Variants in DDX46 observed in about 807,000 individuals in gnomAD.
DDX46 encodes the protein DEAD-box helicase 46.
A neutral mutation model predicts 134.9 loss-of-function variants in DDX46; 30 were observed. That is an observed-to-expected ratio of 0.22 (90% confidence interval 0.17 to 0.30). The LOEUF (loss-of-function observed/expected upper bound fraction) is 0.30. Ranked by LOEUF, DDX46 falls within the 10% of genes least tolerant of loss-of-function variation. The probability of loss-of-function intolerance (pLI) is 1.00; values close to 1 mark genes in which losing one functional copy is unlikely to be tolerated. For synonymous variants in DDX46, 415 were observed against 404.1 expected (o/e 1.03, Z -0.32); for missense variants, 622 against 1,248.7 (o/e 0.50, Z 7.56).
At chr5:134,812,344 C>A (rs772977451) in intron 18 of DDX46, among the ~76,000 whole-genome samples, 2 of 151,956 alleles carry the variant, frequency 1.3e-5, no homozygotes, top group Non-Finnish European at 2.9e-5. Context: ...GGATTACAGG[C>A]GTGAGCCACC....
chr5:134,774,591 T>C (rs959376451), intron 5 of DDX46, among the ~76,000 whole-genome samples: 3 of 152,246 alleles, frequency 2.0e-5, no homozygotes, highest in East Asian at 3.8e-4. Flanking sequence ...TTGAGTGTTA[T>C]TGGGCATAGC....
intron 21 of DDX46, among the ~76,000 whole-genome samples, chr5:134,823,107 T>C: frequency 6.6e-6 from 1 of 151,880 alleles, no homozygotes; most frequent in East Asian, 1.9e-4. Flanking sequence ...AGGGCAGGTA[T>C]ACTAGCAACT....
chr5:134,795,277 G>A (rs1000887883), intron 14 of DDX46, among the ~76,000 whole-genome samples: 2 of 145,134 alleles, frequency 1.4e-5, no homozygotes, highest in African/African-American at 2.6e-5. Context: ...TGCAGTCCCC[G>A]GAGTTCTGGG....
In DDX46 at chr5:134,782,087, G is replaced by A. The variant is rs1754172233; in HGVS notation, c.1045+1G>A. On this transcript the variant is annotated splice_donor_variant, in intron 8 of 22. Coordinates refer to ENST00000452510, the MANE Select transcript of DDX46 (RefSeq NM_001300860.2). LOFTEE classifies it high-confidence loss of function. ...GAACTAGCAAAAATGTCTCAAGAAG[G>A]TAAAATTCCATTTTTTCATTTACTG... 1 of 1,580,814 alleles carries A rather than the reference G, an allele frequency of 6.3e-7. No individual in the cohort carries two copies. The highest frequency in any genetic ancestry group is 8.5e-7 in the Non-Finnish European group (1 of 1,171,208).
At chr5:134,762,778 C>T (rs1433105931) in intron 1 of DDX46, among the ~76,000 whole-genome samples, 3 of 150,204 alleles carry the variant, frequency 2.0e-5, no homozygotes, top group Admixed American at 1.3e-4. Flanking sequence ...GCTGAGTGGC[C>T]GGGCGCAGTG....
At chr5:134,806,755 G>A (rs183707741) in intron 15 of DDX46, among the ~76,000 whole-genome samples, 10 of 152,266 alleles carry the variant, frequency 6.6e-5, no homozygotes, top group Admixed American at 1.3e-4. Flanking sequence ...TTGAAAGCAT[G>A]AGTTTTAAGT....
At chr5:134,809,637 A>G (rs1334271125) in intron 16 of DDX46, among the ~76,000 whole-genome samples, 2 of 151,938 alleles carry the variant, frequency 1.3e-5, no homozygotes, top group Non-Finnish European at 2.9e-5. Flanking sequence ...GGCCTCTCAA[A>G]ATACTGGGAT....
At chr5:134,771,105 TTTCTGTCTG>T in intron 4 of DDX46, 106 bp downstream of exon 4, 1 of 583,736 alleles carries the variant, frequency 1.7e-6, no homozygotes, top group South Asian at 2.2e-5. Context: ...CTTTCTTTCT[TTTCTGTCTG>T]TCTTTCTTTC....
At chr5:134,807,267 G>T (rs551633612) in intron 15 of DDX46, among the ~76,000 whole-genome samples, 2 of 148,150 alleles carry the variant, frequency 1.3e-5, no homozygotes, top group Non-Finnish European at 3.0e-5. Context: ...TGATCTGCCC[G>T]CCTCGGCCTC....
At position 134,792,253 on chromosome 5, in the gene DDX46, C is replaced by T. The variant is rs1351605271; in HGVS notation, c.1626+1701C>T. On this transcript the variant is annotated intron_variant, in intron 13 of 22. Coordinates refer to ENST00000452510, the MANE Select transcript of DDX46 (RefSeq NM_001300860.2). Reference sequence around the variant, plus strand: ...GAAGATAAGATAGCATCCTTTAACTCTGAACAAGTGTCACATGAAAGCAGC... The same window carrying T: ...GAAGATAAGATAGCATCCTTTAACTTTGAACAAGTGTCACATGAAAGCAGC... Among the ~76,000 whole-genome samples, 4 of 152,136 alleles carry T rather than the reference C, an allele frequency of 2.6e-5. No individual in the cohort carries two copies. In the East Asian group the frequency reaches 5.8e-4, roughly 22 times the overall value.
chr5:134,803,154 C>T (rs1318153762), intron 15 of DDX46, among the ~76,000 whole-genome samples: 2 of 152,030 alleles, frequency 1.3e-5, no homozygotes, highest in African/African-American at 4.8e-5. Context: ...CCACCACGCC[C>T]AGCTAATTTT....
At chr5:134,816,650 T>C in intron 19 of DDX46, 44 bp downstream of exon 19, 1 of 1,571,206 alleles carries the variant, frequency 6.4e-7, no homozygotes, top group East Asian at 2.2e-5. Flanking sequence ...TTTAAGAAGT[T>C]CTTTGATTTT....
intron 6 of DDX46, among the ~76,000 whole-genome samples, chr5:134,779,931 T>C (rs1230679834): frequency 3.3e-5 from 5 of 152,162 alleles, no homozygotes; most frequent in Admixed American, 3.3e-4. Flanking sequence ...AAATGCCATC[T>C]CTACTAAAAA....
chr5:134,797,566 G>A (rs541710761), intron 15 of DDX46, among the ~76,000 whole-genome samples: 1 of 152,314 alleles, frequency 6.6e-6, no homozygotes, highest in South Asian at 2.1e-4. Flanking sequence ...GGATGATACT[G>A]GAGTTGGCAG....
Position 134,829,131 on chromosome 5 carries a change from C to T in DDX46, c.*425C>T, listed in dbSNP as rs1403161227. ...TTCACTATCATATTTTGTGTCCCCACCTTGATGTTACATGACTCTGGAACA... is the reference window on the plus strand; with the variant it reads ...TTCACTATCATATTTTGTGTCCCCATCTTGATGTTACATGACTCTGGAACA... On this transcript the variant is annotated 3_prime_UTR_variant, in exon 23 of 23. Coordinates refer to ENST00000452510, the MANE Select transcript of DDX46 (RefSeq NM_001300860.2). 6.5e-6 allele frequency: 1 copy of T among 152,778 alleles called. No homozygotes were observed. The highest frequency in any genetic ancestry group is 1.5e-5 in the Non-Finnish European group (1 of 68,474). 9.5% of individuals were successfully genotyped at this position (152,778 alleles called of 1,614,324 possible). A position where few individuals can be genotyped will look rare whatever the true frequency, so the allele number is the denominator to read the frequency against.
chr5:134,784,554 T>C lies in DDX46; in HGVS notation c.1342+13T>C, dbSNP rs757877646. 3 of 1,567,282 alleles carry C rather than the reference T, an allele frequency of 1.9e-6. No homozygotes were observed. The South Asian group carries it at 3.6e-5, about 19-fold the overall frequency. ...GAGGGGCCAATAGGTACAATTCTTT[T>C]CATTAAACTATTTTTCAAATAACAG... On this transcript the variant is annotated intron_variant, in intron 10 of 22. Coordinates refer to ENST00000452510, the MANE Select transcript of DDX46 (RefSeq NM_001300860.2).
At chr5:134,781,317 G>C in intron 7 of DDX46, 71 bp downstream of exon 7, 6 of 1,179,954 alleles carry the variant, frequency 5.1e-6, no homozygotes, top group Non-Finnish European at 6.0e-6. Context: ...CATTCATGGA[G>C]ATGTGCGTTT....
intron 19 of DDX46, 72 bp from the exon 20 acceptor site, chr5:134,817,424 T>A: frequency 7.0e-7 from 1 of 1,426,148 alleles, no homozygotes; most frequent in Non-Finnish European, 9.5e-7. Context: ...TTTCAGAGAA[T>A]AATTTGTGGT....
chr5:134,779,664 A>G (rs910442907), intron 6 of DDX46, among the ~76,000 whole-genome samples: 2 of 151,878 alleles, frequency 1.3e-5, no homozygotes, highest in Admixed American at 6.6e-5. Context: ...ACATCTGGCT[A>G]ATTGTTTATA....
Sources: gnomAD v4.1 joint callset for allele counts (sites outside exome capture counted in the v4.1 genomes callset) on GRCh38, gnomAD v4.1.1 for gene constraint, MANE v1.5 for transcripts, NCBI Gene and HGNC (gene_info 2026-07-23, HGNC 2026-07-21) for gene names.